The following PCDH15 variants were observed in gnomAD, a reference collection of about 807,000 sequenced individuals.
PCDH15 encodes protocadherin-15.
Under a neutral mutation model 178.5 loss-of-function variants are expected in PCDH15, and 129 were observed. That is an observed-to-expected ratio of 0.72 (90% CI 0.63 to 0.84). The LOEUF (loss-of-function observed/expected upper bound fraction) is 0.84. Ranked by LOEUF, PCDH15 falls within the 40% of genes least tolerant of loss-of-function variation. PCDH15 has a pLI of 0.00. For synonymous variants in PCDH15, 800 were observed against 732.0 expected, an observed-to-expected ratio of 1.09 and a Z score of -1.50; for missense variants, 2,230 against 2,099.9, an observed-to-expected ratio of 1.06 and a Z score of -1.21.
chr10:54,600,032 G>A lies in PCDH15; in HGVS notation c.91+64140C>T. 6.0e-6 allele frequency: 8 copies of A among 1,338,890 alleles called. No homozygotes were observed. The South Asian group carries it at 8.8e-5, about 15-fold the overall frequency. 82.9% of individuals were successfully genotyped at this position (1,338,890 alleles called of 1,614,324 possible). A position where few individuals can be genotyped will look rare whatever the true frequency, so the allele number is the denominator to read the frequency against. On this transcript the variant is annotated intron_variant, in intron 2 of 37. Coordinates refer to ENST00000644397, the MANE Select transcript of PCDH15 (RefSeq NM_001384140.1). Reference sequence around the variant, plus strand: ...GAGGCAAAGTCAAAAGCAGAAGTGGGGAAAGGTGAACAGAAAGAGGAAGAA... The same window carrying A: ...GAGGCAAAGTCAAAAGCAGAAGTGGAGAAAGGTGAACAGAAAGAGGAAGAA...
intron 20 of PCDH15, among the ~76,000 whole-genome samples, chr10:54,019,700 A>C (rs1376246953): frequency 6.6e-6 from 1 of 152,120 alleles, no homozygotes; most frequent in Non-Finnish European, 1.5e-5. Context: ...CCAAGGTCAT[A>C]GAGCTTAAAA....
intron 14 of PCDH15, among the ~76,000 whole-genome samples, chr10:54,143,874 T>C (rs754730894): frequency 6.6e-6 from 1 of 152,166 alleles, no homozygotes; most frequent in African/African-American, 2.4e-5. Flanking sequence ...CTTGTTTTCT[T>C]GTATAATGGG....
intron 2 of PCDH15, among the ~76,000 whole-genome samples, chr10:55,504,493 A>T (rs1392859948): frequency 6.6e-6 from 1 of 151,384 alleles, no homozygotes; most frequent in African/African-American, 2.4e-5. Flanking sequence ...TAAAGTTAAG[A>T]CATTTAGGTT....
At position 55,070,793 on chromosome 10, in the gene PCDH15, G is replaced by GT. The variant is rs1423973124; in HGVS notation, c.-80+95782dup. On this transcript the variant is annotated intron_variant, in intron 2 of 5. Transcript: ENST00000458638. ...TTGGTTCCATATGAACTTTAAAGTA[G>GT]TTTTTTCCAATTCTGTGAAGAAAGT... is the stretch of plus-strand genomic sequence containing the variant. Among the ~76,000 whole-genome samples the GT allele has an allele frequency of 5.4e-3, 821 of 152,048 alleles. 11 individuals carry two copies. Among genetic ancestry groups the GT allele is most frequent in the African/African-American group, 0.019 (799 of 41,472 alleles).
At chr10:55,305,106 G>A (rs900670064) in intron 1 of PCDH15, among the ~76,000 whole-genome samples, 1 of 152,116 alleles carries the variant, frequency 6.6e-6, no homozygotes, top group Non-Finnish European at 1.5e-5. Context: ...TATTACCTCG[G>A]CTTATCTTGC....
chr10:55,440,697 G>A (rs1232760032), intron 2 of PCDH15, among the ~76,000 whole-genome samples: 1 of 152,102 alleles, frequency 6.6e-6, no homozygotes, highest in African/African-American at 2.4e-5. Flanking sequence ...AAGAGGCCAG[G>A]AGTAAAAAGC....
chr10:54,359,780 T>C (rs1193177296), intron 5 of PCDH15, among the ~76,000 whole-genome samples: 3 of 151,798 alleles, frequency 2.0e-5, no homozygotes, highest in Non-Finnish European at 4.4e-5. Context: ...ATTGATAAAA[T>C]CATTAAAAAT....
intron 2 of PCDH15, among the ~76,000 whole-genome samples, chr10:54,990,536 T>C (rs1177276365): frequency 1.3e-5 from 2 of 152,218 alleles, no homozygotes; most frequent in African/African-American, 2.4e-5. Flanking sequence ...ATAAATTTCA[T>C]TGAAATTGGT....
intron 2 of PCDH15, among the ~76,000 whole-genome samples, chr10:55,375,334 G>A (rs963118401): frequency 4.6e-5 from 7 of 151,952 alleles, no homozygotes; most frequent in African/African-American, 1.2e-4. Flanking sequence ...TTTTTCCTGT[G>A]ATCAAAATTA....
intron 13 of PCDH15, among the ~76,000 whole-genome samples, chr10:54,182,506 A>AGTGTGTGTGTGT (rs71007813): frequency 4.7e-4 from 69 of 148,080 alleles, no homozygotes; most frequent in African/African-American, 1.2e-3. Context: ...AGAGAAAAAA[A>AGTGTGTGTGTGT]GTGTGTGTGT....
chr10:54,166,992 T>A (rs553240823), intron 13 of PCDH15, among the ~76,000 whole-genome samples: 25 of 152,316 alleles, frequency 1.6e-4, no homozygotes, highest in South Asian at 1.0e-3. Flanking sequence ...ATCCAAATCC[T>A]ATAAAACGGC....
intron 2 of PCDH15, among the ~76,000 whole-genome samples, chr10:55,498,710 G>A (rs1840589345): frequency 6.6e-6 from 1 of 151,832 alleles, no homozygotes; most frequent in African/African-American, 2.4e-5. Context: ...CCTTAAAGCA[G>A]AAACTGACAG....
chr10:55,214,144 G>T (rs2132174136), intron 1 of PCDH15, among the ~76,000 whole-genome samples: 1 of 152,036 alleles, frequency 6.6e-6, no homozygotes, highest in Non-Finnish European at 1.5e-5. Flanking sequence ...TTAAAAATAT[G>T]TTAGAACTGG....
chr10:54,018,674 T>G (rs978440794), intron 20 of PCDH15, among the ~76,000 whole-genome samples: 1 of 152,120 alleles, frequency 6.6e-6, no homozygotes, highest in Non-Finnish European at 1.5e-5. Flanking sequence ...ATATGAAGCA[T>G]GAATAGTATC....
chr10:54,481,705 T>G (rs1231625870), intron 3 of PCDH15, among the ~76,000 whole-genome samples: 1 of 151,874 alleles, frequency 6.6e-6, no homozygotes, highest in Non-Finnish European at 1.5e-5. Context: ...CATTTTATCT[T>G]GTAATTCTTG....
In PCDH15 at chr10:55,528,862, A is replaced by G. The variant is rs1364913847; in HGVS notation, c.-156+98763T>C. On this transcript the variant is annotated intron_variant, in intron 2 of 5. Coordinates refer to the PCDH15 transcript ENST00000613346. Reference sequence around the variant, plus strand: ...CCACCAACAGTGTAAAACTGTTCCTATTTCTCCACATCCTCTCCAGCATCT... The same window carrying G: ...CCACCAACAGTGTAAAACTGTTCCTGTTTCTCCACATCCTCTCCAGCATCT... 7.2e-5 allele frequency among the ~76,000 whole-genome samples: 11 copies of G among 152,028 alleles called. No individual in the cohort carries two copies. In the East Asian group the frequency reaches 1.9e-3, roughly 27 times the overall value.
intron 23 of PCDH15, among the ~76,000 whole-genome samples, chr10:53,946,267 C>T (rs1215179438): frequency 1.3e-5 from 2 of 152,006 alleles, no homozygotes; most frequent in South Asian, 2.1e-4. Flanking sequence ...GTTCCTATTC[C>T]GGCTGGTTCA....
At chr10:55,510,844 T>G (rs1452289233) in intron 2 of PCDH15, among the ~76,000 whole-genome samples, 1 of 149,092 alleles carries the variant, frequency 6.7e-6, no homozygotes. Flanking sequence ...ACATATATAC[T>G]ATATATATAA....
At chr10:54,616,200 G>A (rs1390352578) in intron 2 of PCDH15, among the ~76,000 whole-genome samples, 1 of 152,042 alleles carries the variant, frequency 6.6e-6, no homozygotes, top group African/African-American at 2.4e-5. Context: ...GGTTTCTGCT[G>A]TTTGATCCTG....
Sources: gnomAD v4.1 joint callset for allele counts (sites outside exome capture counted in the v4.1 genomes callset) on GRCh38, gnomAD v4.1.1 for gene constraint, MANE v1.5 for transcripts, NCBI Gene and HGNC (gene_info 2026-07-23, HGNC 2026-07-21) for gene names.